PDE10A: variants seen among roughly 807,000 people sequenced by gnomAD.
The protein encoded by PDE10A is phosphodiesterase 10A, also known as cAMP and cAMP-inhibited cGMP 3',5'-cyclic phosphodiesterase 10A.
A neutral mutation model predicts 97.7 loss-of-function variants in PDE10A; 39 were observed. The ratio of observed to expected loss-of-function variants is 0.40; its 90% CI spans 0.31 to 0.52. PDE10A has a LOEUF of 0.52. Among genes scored for constraint, PDE10A ranks in the 20% least tolerant of loss-of-function variants. The probability of loss-of-function intolerance (pLI) is 0.56; values close to 1 mark genes in which losing one functional copy is unlikely to be tolerated. For missense variants in PDE10A, 731 were observed against 1,047.8 expected, an observed-to-expected ratio of 0.70 and a Z score of 4.17; for synonymous variants, 371 against 376.8, an observed-to-expected ratio of 0.98 and a Z score of 0.18.
chr6:165,460,591 G>A lies in PDE10A; in HGVS notation c.1024-10229C>T, dbSNP rs140141927. On this transcript the variant is annotated intron_variant, in intron 3 of 21. Transcript: ENST00000539869. ...CCATCATTTCTCTACAGCACTGGCCGTCCGATTGGCCAATTCAACCCGCTC... is the reference window on the plus strand; with the variant it reads ...CCATCATTTCTCTACAGCACTGGCCATCCGATTGGCCAATTCAACCCGCTC... 1.5e-3 allele frequency among the ~76,000 whole-genome samples: 226 copies of A among 152,274 alleles called. 1 individual carries two copies. Among genetic ancestry groups the A allele is most frequent in the African/African-American group, 5.2e-3 (218 of 41,550 alleles).
At chr6:165,885,359 G>GT (rs1554335575) in intron 1 of PDE10A, among the ~76,000 whole-genome samples, 3 of 152,162 alleles carry the variant, frequency 2.0e-5, no homozygotes, top group Non-Finnish European at 4.4e-5. Flanking sequence ...AAGCAAAGGA[G>GT]AAGCGCCACA....
intron 1 of PDE10A, among the ~76,000 whole-genome samples, chr6:165,608,281 C>T (rs1172847460): frequency 4.6e-5 from 6 of 131,006 alleles, no homozygotes; most frequent in East Asian, 2.4e-4. Context: ...CCACAACAGG[C>T]GCCAGTGTGT....
intron 1 of PDE10A, among the ~76,000 whole-genome samples, chr6:165,737,343 A>T (rs997611059): frequency 1.3e-5 from 2 of 152,236 alleles, no homozygotes; most frequent in South Asian, 2.1e-4. Flanking sequence ...ACAAGAAAAG[A>T]AAATTTCAGG....
At chr6:165,836,367 G>A (rs534648713) in intron 1 of PDE10A, among the ~76,000 whole-genome samples, 18 of 152,262 alleles carry the variant, frequency 1.2e-4, no homozygotes, top group South Asian at 2.1e-4. Context: ...TCTGACCGGC[G>A]CACGTCGGCA....
In PDE10A at chr6:165,458,284, C is replaced by T. The variant is rs575735869; in HGVS notation, c.1024-7922G>A. ...TCTCTGTCTCCCCCTAAAATTCCTACGCTGAAATCTTAACCCCCACTGTGA... is the reference window on the plus strand; with the variant it reads ...TCTCTGTCTCCCCCTAAAATTCCTATGCTGAAATCTTAACCCCCACTGTGA... On this transcript the variant is annotated intron_variant, in intron 3 of 21. Transcript: ENST00000539869. Among the ~76,000 whole-genome samples, 27 of 152,250 alleles carry T rather than the reference C, an allele frequency of 1.8e-4. No homozygotes were observed. The East Asian group carries it at 2.3e-3, about 13-fold the overall frequency.
intron 3 of PDE10A, among the ~76,000 whole-genome samples, chr6:165,471,798 A>G (rs1779026748): frequency 1.3e-5 from 2 of 152,180 alleles, no homozygotes; most frequent in Non-Finnish European, 2.9e-5. Flanking sequence ...ATTTCTTATT[A>G]GACTTACTAC....
At chr6:165,778,677 A>C (rs1778261179) in intron 1 of PDE10A, among the ~76,000 whole-genome samples, 2 of 152,228 alleles carry the variant, frequency 1.3e-5, no homozygotes, top group Non-Finnish European at 2.9e-5. Flanking sequence ...TGCCATCAAT[A>C]ACGGGTAAGG....
rs932866002 is a variant in PDE10A at position 165,711,582 on chromosome 6, G to A, written c.-614-168014C>T. Among the ~76,000 whole-genome samples the A allele has an allele frequency of 7.9e-5, 12 of 152,166 alleles. No homozygotes were observed. The highest frequency in any genetic ancestry group is 2.7e-4 in the African/African-American group (11 of 41,444). On this transcript the variant is annotated intron_variant, in intron 1 of 19. Transcript: ENST00000366882. The surrounding 1 kb of genome is among the most constrained non-coding windows in gnomAD (Gnocchi z 4.5). ...TGCGCTTTCTAGATCCTCCAGCCAG[G>A]CCCAAACGCTGAGGAATGTGAGTGT...
chr6:165,518,914 T>C (rs1300124106), intron 2 of PDE10A, among the ~76,000 whole-genome samples: 1 of 152,134 alleles, frequency 6.6e-6, no homozygotes, highest in Non-Finnish European at 1.5e-5. Context: ...GCAACAGGGT[T>C]TGGTATTATC....
intron 1 of PDE10A, among the ~76,000 whole-genome samples, chr6:165,975,447 T>C (rs939638122): frequency 6.6e-6 from 1 of 151,646 alleles, no homozygotes; most frequent in East Asian, 1.9e-4. Flanking sequence ...TCTATTAAAA[T>C]TTTTTTTTAA....
chr6:165,624,267 C>T (rs927448443), intron 1 of PDE10A, among the ~76,000 whole-genome samples: 3 of 152,188 alleles, frequency 2.0e-5, no homozygotes, highest in African/African-American at 7.2e-5. Flanking sequence ...CTCTCTCGCT[C>T]CCCACCCAAC....
At chr6:165,950,071 C>T (rs1243780722) in intron 1 of PDE10A, among the ~76,000 whole-genome samples, 3 of 152,098 alleles carry the variant, frequency 2.0e-5, no homozygotes, top group Admixed American at 6.6e-5. Context: ...TTTGCTTTGT[C>T]CTGATTAAGC....
chr6:165,952,708 A>T (rs1784004795), intron 1 of PDE10A, among the ~76,000 whole-genome samples: 1 of 152,202 alleles, frequency 6.6e-6, no homozygotes, highest in South Asian at 2.1e-4. Flanking sequence ...AGCTGCCCTG[A>T]CCAGCCTGGC....
intron 1 of PDE10A, among the ~76,000 whole-genome samples, chr6:165,978,531 T>C (rs1185958744): frequency 6.6e-6 from 1 of 152,220 alleles, no homozygotes; most frequent in East Asian, 1.9e-4. Flanking sequence ...ACCTATGTGG[T>C]ATCTTTGTCC....
intron 1 of PDE10A, among the ~76,000 whole-genome samples, chr6:165,688,108 G>A (rs554716389): frequency 2.6e-5 from 4 of 152,342 alleles, no homozygotes; most frequent in South Asian, 4.1e-4. Context: ...GCCACGTAGA[G>A]ATACACATTT....
intron 1 of PDE10A, among the ~76,000 whole-genome samples, chr6:165,766,556 G>A (rs1351361868): frequency 1.3e-5 from 2 of 152,220 alleles, no homozygotes; most frequent in African/African-American, 4.8e-5. Flanking sequence ...CCGTGGGATT[G>A]TTTTGCTTTT....
chr6:165,492,605 A>G (rs1780292357), intron 2 of PDE10A, among the ~76,000 whole-genome samples: 1 of 152,188 alleles, frequency 6.6e-6, no homozygotes, highest in Non-Finnish European at 1.5e-5. Context: ...GATCAACTCA[A>G]TAGATGCAGA....
chr6:165,661,981 G>A lies in PDE10A; in HGVS notation c.831C>T (p.Cys277=), dbSNP rs1401256531. Residue 277 remains cysteine (C), a synonymous_variant, in exon 1 of 22, where the codon TGC becomes TGT. Transcript: ENST00000539869. This position sits in a 1 kb window ranked among gnomAD's most constrained non-coding sequence, Gnocchi z 4.8. ...MEDGPSNNAS[C]FRRLTECFLS... is the part of the protein sequence containing the mutation. Reference sequence around the variant, plus strand: ...GGAAGCACTCGGTCAGCCTTCGGAAGCAGCTCGCATTATTAGAAGGTCCAT... The same window carrying A: ...GGAAGCACTCGGTCAGCCTTCGGAAACAGCTCGCATTATTAGAAGGTCCAT... The A allele has an allele frequency of 3.1e-6, 4 of 1,295,920 alleles. No individual in the cohort carries two copies. The East Asian group carries it at 7.9e-5, about 25-fold the overall frequency. 80.3% of individuals were successfully genotyped at this position (1,295,920 alleles called of 1,614,324 possible).
intron 10 of PDE10A, among the ~76,000 whole-genome samples, chr6:165,420,969 GAA>G (rs974878043): frequency 2.0e-5 from 3 of 151,922 alleles, no homozygotes; most frequent in African/African-American, 4.8e-5. Flanking sequence ...TGAAACAGAA[GAA>G]AAGTTATAAA....
Sources: allele counts gnomAD v4.1 joint callset (sites outside exome capture counted in the v4.1 genomes callset), GRCh38; gene constraint gnomAD v4.1.1; non-coding constraint Gnocchi (gnomAD v3.1); transcripts MANE v1.5; gene names NCBI Gene and HGNC (gene_info 2026-07-23, HGNC 2026-07-21).